Variants in AUTS2 observed in about 807,000 individuals in gnomAD.
AUTS2 encodes autism susceptibility gene 2 protein.
AUTS2 carries 17 observed loss-of-function variants against 112.4 expected under a neutral mutation model. The observed-to-expected ratio is 0.15, with a 90% CI of 0.10 to 0.23. The LOEUF (loss-of-function observed/expected upper bound fraction) is 0.23, where lower values mean the gene tolerates loss of function less well. Ranked by LOEUF, AUTS2 falls within the 10% of genes least tolerant of loss-of-function variation. The probability of loss-of-function intolerance (pLI) is 1.00; values close to 1 mark genes in which losing one functional copy is unlikely to be tolerated. For synonymous variants in AUTS2, 751 were observed against 702.7 expected, an observed-to-expected ratio of 1.07 and a Z score of -1.09; for missense variants, 1,510 against 1,701.6, an observed-to-expected ratio of 0.89 and a Z score of 1.98.
At chr7:70,622,448 C>A (rs1449910689) in intron 5 of AUTS2, among the ~76,000 whole-genome samples, 2 of 152,116 alleles carry the variant, frequency 1.3e-5, no homozygotes, top group Non-Finnish European at 2.9e-5. Context: ...TAGCTCCCGT[C>A]ATCCCCACCG....
chr7:69,793,154 G>C (rs963049881), intron 1 of AUTS2, among the ~76,000 whole-genome samples: 3 of 152,146 alleles, frequency 2.0e-5, no homozygotes, highest in African/African-American at 7.2e-5. Context: ...TTTGAGTCCT[G>C]TGTTTGCACT....
At chr7:70,096,885 G>A (rs983571850) in intron 2 of AUTS2, among the ~76,000 whole-genome samples, 1 of 152,168 alleles carries the variant, frequency 6.6e-6, no homozygotes, top group Non-Finnish European at 1.5e-5. Flanking sequence ...CTAGAAGTGG[G>A]ATAGCCAGTG....
Position 69,662,383 on chromosome 7 carries a change from G to A in AUTS2, c.309+62421G>A, listed in dbSNP as rs537807887. On this transcript the variant is annotated intron_variant, in intron 1 of 18. Transcript: ENST00000342771. ...GTGCTCAGCACTCTTGACATTTGGG[G>A]CTGGATTACTGCATGTTGCAGGAGT... Among the ~76,000 whole-genome samples the A allele has an allele frequency of 2.9e-4, 44 of 152,166 alleles. 1 individual carries two copies. The highest frequency in any genetic ancestry group is 2.3e-3 in the South Asian group (11 of 4,816).
intron 5 of AUTS2, among the ~76,000 whole-genome samples, chr7:70,530,762 G>A (rs1165838271): frequency 2.0e-5 from 3 of 152,038 alleles, no homozygotes; most frequent in South Asian, 2.1e-4. Flanking sequence ...CTGCTGCCTC[G>A]GGTCAGGATC....
chr7:70,735,966 G>A (rs1285241986), intron 6 of AUTS2, among the ~76,000 whole-genome samples: 2 of 152,156 alleles, frequency 1.3e-5, no homozygotes, highest in Non-Finnish European at 2.9e-5. Flanking sequence ...TGACAGTGGG[G>A]ATGGATAAAA....
intron 5 of AUTS2, among the ~76,000 whole-genome samples, chr7:70,607,996 T>C (rs1188593317): frequency 3.3e-5 from 5 of 152,192 alleles, no homozygotes; most frequent in African/African-American, 4.8e-5. Flanking sequence ...TCCTGAAAAC[T>C]AGAGTTGGGA....
chr7:69,769,746 T>C (rs981863985), intron 1 of AUTS2, among the ~76,000 whole-genome samples: 6 of 152,182 alleles, frequency 3.9e-5, no homozygotes, highest in African/African-American at 1.4e-4. Flanking sequence ...AACTTGATTA[T>C]TGAGAATAAA....
intron 4 of AUTS2, among the ~76,000 whole-genome samples, chr7:70,412,984 C>A (rs1794838741): frequency 6.6e-6 from 1 of 152,236 alleles, no homozygotes. Flanking sequence ...AGTGAGACTC[C>A]ATCCCAAAAA....
intron 2 of AUTS2, among the ~76,000 whole-genome samples, chr7:70,004,671 A>G (rs886844248): frequency 6.6e-6 from 1 of 151,444 alleles, no homozygotes; most frequent in Non-Finnish European, 1.5e-5. Flanking sequence ...AGAGTGTTTT[A>G]AAACTGCTTT....
At chr7:70,675,605 G>A (rs1434996252) in intron 5 of AUTS2, among the ~76,000 whole-genome samples, 1 of 152,198 alleles carries the variant, frequency 6.6e-6, no homozygotes, top group Non-Finnish European at 1.5e-5. Context: ...AATTCAGACA[G>A]GGCCAAGCAG....
chr7:70,473,441 G>A (rs555736129), intron 5 of AUTS2, among the ~76,000 whole-genome samples: 11 of 152,124 alleles, frequency 7.2e-5, no homozygotes, highest in Non-Finnish European at 1.2e-4. Context: ...CCGTAAGTTG[G>A]TCTGTGTACT....
At chr7:70,283,795 G>A (rs1256835721) in intron 4 of AUTS2, among the ~76,000 whole-genome samples, 2 of 151,988 alleles carry the variant, frequency 1.3e-5, no homozygotes, top group African/African-American at 4.8e-5. Context: ...AAAGAGTCTG[G>A]TGCAAGGAGG....
At chr7:70,532,194 GT>G (rs1800124269) in intron 5 of AUTS2, among the ~76,000 whole-genome samples, 1 of 152,176 alleles carries the variant, frequency 6.6e-6, no homozygotes, top group African/African-American at 2.4e-5. Flanking sequence ...GCTTCAGCTT[GT>G]ATCGCGTTGC....
At chr7:70,082,122 C>G (rs1457804120) in intron 2 of AUTS2, among the ~76,000 whole-genome samples, 1 of 152,026 alleles carries the variant, frequency 6.6e-6, no homozygotes, top group Non-Finnish European at 1.5e-5. Context: ...TTCCCTACCT[C>G]TAAGATCCAT....
intron 1 of AUTS2, among the ~76,000 whole-genome samples, chr7:69,856,920 C>T (rs939487903): frequency 6.6e-6 from 1 of 152,092 alleles, no homozygotes; most frequent in Admixed American, 6.6e-5. Context: ...ATAGTGGGCA[C>T]TTGAAATGGC....
At chr7:70,739,122 G>A (rs1270880179) in intron 6 of AUTS2, among the ~76,000 whole-genome samples, 1 of 138,236 alleles carries the variant, frequency 7.2e-6, no homozygotes, top group Non-Finnish European at 1.5e-5. Flanking sequence ...TACCTCTAGG[G>A]TTCAAACAAT....
intron 1 of AUTS2, among the ~76,000 whole-genome samples, chr7:69,844,810 C>T (rs1442963855): frequency 6.6e-6 from 1 of 152,120 alleles, no homozygotes; most frequent in East Asian, 1.9e-4. Flanking sequence ...TCCCTCTACT[C>T]CCCTTCCATT....
intron 4 of AUTS2, among the ~76,000 whole-genome samples, chr7:70,287,786 C>A (rs1464647003): frequency 6.7e-6 from 1 of 148,322 alleles, no homozygotes; most frequent in East Asian, 2.0e-4. Flanking sequence ...AGCGAACCCA[C>A]AAGAGATGAG....
At chr7:69,893,373 A>C (rs1372544485) in intron 1 of AUTS2, among the ~76,000 whole-genome samples, 2 of 152,044 alleles carry the variant, frequency 1.3e-5, no homozygotes, top group African/African-American at 2.4e-5. Flanking sequence ...ATCACTGGAG[A>C]CTCATTATTG....
Sources: allele counts gnomAD v4.1 joint callset (sites outside exome capture counted in the v4.1 genomes callset), GRCh38; gene constraint gnomAD v4.1.1; transcripts MANE v1.5; gene names NCBI Gene and HGNC (gene_info 2026-07-23, HGNC 2026-07-21).